The following STXBP5L variants were observed in gnomAD, a reference collection of about 807,000 sequenced individuals.
The protein encoded by STXBP5L is syntaxin-binding protein 5-like.
In STXBP5L, 65 loss-of-function variants were observed where a neutral mutation model predicts 144.5. The ratio of observed to expected loss-of-function variants is 0.45; its 90% CI spans 0.37 to 0.55. STXBP5L has a LOEUF of 0.55. Among genes scored for constraint, STXBP5L ranks in the 20% least tolerant of loss-of-function variants. STXBP5L has a pLI of 0.00. For missense variants in STXBP5L, 1,298 were observed against 1,405.5 expected (o/e 0.92, Z 1.22); for synonymous variants, 505 against 469.6 (o/e 1.08, Z -0.97).
chr3:121,334,076 G>C (rs1467096550), intron 20 of STXBP5L, among the ~76,000 whole-genome samples: 1 of 151,934 alleles, frequency 6.6e-6, no homozygotes. Context: ...CCTTTTGCTT[G>C]GTTCTCATTA....
intron 3 of STXBP5L, among the ~76,000 whole-genome samples, chr3:120,974,683 G>A (rs999924279): frequency 3.3e-5 from 5 of 152,044 alleles, no homozygotes; most frequent in South Asian, 2.1e-4. Context: ...TAGGTCTGAC[G>A]TTTAAGTCTT....
At chr3:121,018,989 G>A (rs944444124) in intron 3 of STXBP5L, among the ~76,000 whole-genome samples, 10 of 152,178 alleles carry the variant, frequency 6.6e-5, no homozygotes, top group Admixed American at 6.5e-4. Context: ...TCTCAGCCCT[G>A]CTCACCGGCT....
At chr3:121,138,227 G>A (rs2107927797) in intron 7 of STXBP5L, among the ~76,000 whole-genome samples, 1 of 151,924 alleles carries the variant, frequency 6.6e-6, no homozygotes, top group African/African-American at 2.4e-5. Flanking sequence ...TCTCTACATT[G>A]GAAATTATAA....
At chr3:120,984,355 G>A (rs1017801866) in intron 3 of STXBP5L, among the ~76,000 whole-genome samples, 1 of 152,138 alleles carries the variant, frequency 6.6e-6, no homozygotes, top group African/African-American at 2.4e-5. Context: ...GGTGAACTCA[G>A]GATAGTATTC....
chr3:121,196,785 C>A (rs1018608564), intron 9 of STXBP5L, among the ~76,000 whole-genome samples: 1 of 152,060 alleles, frequency 6.6e-6, no homozygotes, highest in Middle Eastern at 3.4e-3. Flanking sequence ...TCCTCCCACC[C>A]GAGCCTTTCA....
At chr3:120,937,335 T>A (rs1439700731) in intron 2 of STXBP5L, among the ~76,000 whole-genome samples, 1 of 152,166 alleles carries the variant, frequency 6.6e-6, no homozygotes, top group Non-Finnish European at 1.5e-5. Context: ...CTCACAAAAG[T>A]GAGTTGCAGG....
intron 15 of STXBP5L, among the ~76,000 whole-genome samples, chr3:121,252,235 A>T: frequency 6.6e-6 from 1 of 151,974 alleles, no homozygotes; most frequent in Non-Finnish European, 1.5e-5. Context: ...GTGTGGCAGC[A>T]TGCGCCTGTG....
intron 20 of STXBP5L, among the ~76,000 whole-genome samples, chr3:121,355,815 C>G (rs2045489519): frequency 6.6e-6 from 1 of 152,206 alleles, no homozygotes; most frequent in Admixed American, 6.5e-5. Context: ...TTCTCTTCAT[C>G]TATGTGGTCT....
intron 3 of STXBP5L, among the ~76,000 whole-genome samples, chr3:120,981,360 C>A (rs1291207213): frequency 6.6e-6 from 1 of 151,910 alleles, no homozygotes; most frequent in Non-Finnish European, 1.5e-5. Context: ...TTAAATAATC[C>A]CATGTTTCTC....
At chr3:121,053,651 G>A (rs1299440766) in intron 5 of STXBP5L, among the ~76,000 whole-genome samples, 2 of 152,050 alleles carry the variant, frequency 1.3e-5, no homozygotes, top group Non-Finnish European at 2.9e-5. Flanking sequence ...GAAAACCTAG[G>A]CAATACCATT....
intron 10 of STXBP5L, among the ~76,000 whole-genome samples, chr3:121,218,032 A>G (rs1346190397): frequency 6.9e-6 from 1 of 144,280 alleles, no homozygotes; most frequent in South Asian, 2.1e-4. Context: ...AGTATAATAT[A>G]CTATATAATA....
intron 9 of STXBP5L, among the ~76,000 whole-genome samples, chr3:121,197,739 G>A (rs948108536): frequency 6.6e-6 from 1 of 151,644 alleles, no homozygotes; most frequent in Admixed American, 6.6e-5. Context: ...CCAATTATGA[G>A]TGAGAGTTTG....
chr3:121,156,517 A>G (rs1285660471), intron 8 of STXBP5L, among the ~76,000 whole-genome samples: 1 of 151,934 alleles, frequency 6.6e-6, no homozygotes, highest in East Asian at 1.9e-4. Flanking sequence ...ATTTAGAAAG[A>G]ATACCAAGGG....
At chr3:121,149,066 A>G (rs1426911487) in intron 7 of STXBP5L, among the ~76,000 whole-genome samples, 1 of 152,068 alleles carries the variant, frequency 6.6e-6, no homozygotes, top group African/African-American at 2.4e-5. Context: ...GAGAGTGGGA[A>G]TATTAACTAG....
At chr3:120,991,170 G>T (rs1322363752) in intron 3 of STXBP5L, among the ~76,000 whole-genome samples, 5 of 151,912 alleles carry the variant, frequency 3.3e-5, no homozygotes, top group Admixed American at 2.0e-4. Context: ...AGTGGGCAAA[G>T]GATATGAACA....
At chr3:121,243,068 T>A (rs2049721814) in intron 14 of STXBP5L, among the ~76,000 whole-genome samples, 1 of 152,160 alleles carries the variant, frequency 6.6e-6, no homozygotes, top group Non-Finnish European at 1.5e-5. Flanking sequence ...GTGCAACTCA[T>A]GGCTTCACCT....
intron 3 of STXBP5L, among the ~76,000 whole-genome samples, chr3:121,014,880 T>A (rs1406362676): frequency 6.6e-6 from 1 of 152,032 alleles, no homozygotes; most frequent in Non-Finnish European, 1.5e-5. Flanking sequence ...GTGATATGAG[T>A]AATAAATTGA....
chr3:121,186,114 A>G (rs1179970374), intron 9 of STXBP5L, among the ~76,000 whole-genome samples: 3 of 152,284 alleles, frequency 2.0e-5, no homozygotes, highest in Non-Finnish European at 2.9e-5. Flanking sequence ...TTATTGGTGT[A>G]TAAGAATGCT....
intron 10 of STXBP5L, among the ~76,000 whole-genome samples, chr3:121,212,580 T>G (rs1340613552): frequency 6.6e-6 from 1 of 151,782 alleles, no homozygotes; most frequent in South Asian, 2.1e-4. Flanking sequence ...TGTATATCTG[T>G]TTTGATACCA....
Sources: allele counts gnomAD v4.1 joint callset (sites outside exome capture counted in the v4.1 genomes callset), GRCh38; gene constraint gnomAD v4.1.1; transcripts MANE v1.5; gene names NCBI Gene and HGNC (gene_info 2026-07-23, HGNC 2026-07-21).